Variants in SRGAP2 observed in about 807,000 individuals in gnomAD.
SRGAP2 encodes SLIT-ROBO Rho GTPase-activating protein 2.
In SRGAP2, 15 loss-of-function variants were observed where a neutral mutation model predicts 57.2. That is an observed-to-expected ratio of 0.26 (90% CI 0.18 to 0.40). SRGAP2 has a LOEUF of 0.40. Among genes scored for constraint, SRGAP2 ranks in the 10% least tolerant of loss-of-function variants. The pLI is 1.00. For missense variants in SRGAP2, 520 were observed against 669.6 expected (o/e 0.78, Z 2.47); for synonymous variants, 249 against 248.0 (o/e 1.00, Z -0.04).
intron 2 of SRGAP2, among the ~76,000 whole-genome samples, chr1:206,260,594 T>C (rs1413479603): frequency 1.3e-5 from 2 of 152,256 alleles, no homozygotes; most frequent in African/African-American, 2.4e-5. Flanking sequence ...TTATCTAACC[T>C]GTTCTGTACT....
Position 206,375,653 on chromosome 1 carries a change from C to T in SRGAP2, c.424-8361C>T, listed in dbSNP as rs560847005. On this transcript the variant is annotated intron_variant, in intron 4 of 22. Coordinates refer to ENST00000573034, the MANE Select transcript of SRGAP2 (RefSeq NM_015326.5). ...GATTATTATAGGACTGTGTTTCAGA[C>T]TGGGAGAGCAGAGGGCCGTTAGCCT... Among the ~76,000 whole-genome samples, 24 of 152,264 alleles carry T rather than the reference C, an allele frequency of 1.6e-4. 3 individuals are homozygous for T. The South Asian group carries it at 4.8e-3, about 30-fold the overall frequency.
At chr1:206,370,055 G>A (rs1161193795) in intron 4 of SRGAP2, among the ~76,000 whole-genome samples, 8 of 150,796 alleles carry the variant, frequency 5.3e-5, no homozygotes, top group African/African-American at 1.2e-4. Flanking sequence ...CACGAGGTCC[G>A]GAGATCGAGA....
At chr1:206,354,278 G>A (rs1191062408) in intron 4 of SRGAP2, among the ~76,000 whole-genome samples, 2 of 152,094 alleles carry the variant, frequency 1.3e-5, no homozygotes, top group African/African-American at 4.8e-5. Context: ...TATTCTAGGA[G>A]GCTATTAAAT....
rs71864434 is a variant in SRGAP2 at position 206,209,909 on chromosome 1, ATTATT to A, written c.67+3876_67+3880del. Among the ~76,000 whole-genome samples, 1,003 of 107,418 alleles carry A rather than the reference ATTATT, an allele frequency of 9.3e-3. 22 individuals carry two copies. Among genetic ancestry groups the A allele is most frequent in the African/African-American group, 0.049 (921 of 18,828 alleles). The allele number at this position is 107,418 out of a possible 152,430, so 70.5% of individuals were successfully genotyped here. A position where few individuals can be genotyped will look rare whatever the true frequency, so the allele number is the denominator to read the frequency against. On this transcript the variant is annotated intron_variant, in intron 2 of 22. Transcript: ENST00000573034. ...TAGTTATACTGCTTTTAAAATTTGT[ATTATT>A]TTAAATTGTTGTATTGGTATTTTTA...
chr1:206,241,250 G>A (rs1252088646), intron 2 of SRGAP2, among the ~76,000 whole-genome samples: 9 of 152,230 alleles, frequency 5.9e-5, no homozygotes, highest in African/African-American at 1.9e-4. Context: ...AGAAGAGAGA[G>A]AAACTTAACT....
At chr1:206,354,721 C>T (rs1553338993) in intron 4 of SRGAP2, among the ~76,000 whole-genome samples, 1 of 151,804 alleles carries the variant, frequency 6.6e-6, no homozygotes, top group Non-Finnish European at 1.5e-5. Flanking sequence ...ATAGTGAATT[C>T]AAAACCTTTT....
intron 11 of SRGAP2, among the ~76,000 whole-genome samples, chr1:206,417,184 A>T (rs1238179983): frequency 1.4e-5 from 2 of 142,128 alleles, no homozygotes; most frequent in Non-Finnish European, 3.0e-5. Flanking sequence ...GCTCACTGCC[A>T]ACTCCACCTC....
At chr1:206,292,170 T>C (rs1244060868) in intron 2 of SRGAP2, among the ~76,000 whole-genome samples, 1 of 152,224 alleles carries the variant, frequency 6.6e-6, no homozygotes, top group African/African-American at 2.4e-5. Context: ...GTGAAGCTAC[T>C]GCATCTCTGA....
At position 206,437,950 on chromosome 1, in the gene SRGAP2, T is replaced by C. The variant is rs1426865158; in HGVS notation, c.1634-14T>C. ...TCACTCTCTTTCCTTTTCGTGGGGGTTGCTTATCCTCAGGAGAGGACCCCC... is the reference window on the plus strand; with the variant it reads ...TCACTCTCTTTCCTTTTCGTGGGGGCTGCTTATCCTCAGGAGAGGACCCCC... On this transcript the variant is annotated splice_polypyrimidine_tract_variant and intron_variant, in intron 15 of 22. Coordinates refer to ENST00000573034, the MANE Select transcript of SRGAP2 (RefSeq NM_015326.5). The C allele has an allele frequency of 1.2e-5, 9 of 780,334 alleles. No homozygotes were observed. Among genetic ancestry groups the C allele is most frequent in the African/African-American group, 3.4e-5 (2 of 59,088 alleles). The allele number at this position is 780,334 out of a possible 1,614,324, so 48.3% of individuals were successfully genotyped here. A position where few individuals can be genotyped will look rare whatever the true frequency, so the allele number is the denominator to read the frequency against.
At chr1:206,270,246 C>G in intron 2 of SRGAP2, among the ~76,000 whole-genome samples, 1 of 85,230 alleles carries the variant, frequency 1.2e-5, no homozygotes, top group Middle Eastern at 4.9e-3. Flanking sequence ...AACTTACTAA[C>G]ACCCGCAAAG....
At chr1:206,423,481 C>T (rs781794142) in intron 13 of SRGAP2, among the ~76,000 whole-genome samples, 1 of 152,192 alleles carries the variant, frequency 6.6e-6, no homozygotes, top group African/African-American at 2.4e-5. Context: ...CCTTCAGCAT[C>T]AGTCTCACCG....
At position 206,203,736 on chromosome 1, in the gene SRGAP2, G is replaced by A. The variant is rs1481354858; in HGVS notation, c.-543+86G>A. Reference sequence around the variant, plus strand: ...AACAAACCGGGGCTGGGGCGGGAAGGAGAGGGCGCGGATGCTGCTCGCGGC... The same window carrying A: ...AACAAACCGGGGCTGGGGCGGGAAGAAGAGGGCGCGGATGCTGCTCGCGGC... On this transcript the variant is annotated intron_variant, in intron 1 of 22. Transcript: ENST00000573034. The A allele has an allele frequency of 7.1e-6, 10 of 1,415,420 alleles. No individual in the cohort carries two copies. In the South Asian group the frequency reaches 1.1e-4, roughly 16 times the overall value. 87.7% of individuals were successfully genotyped at this position (1,415,420 alleles called of 1,614,324 possible).
chr1:206,237,536 T>TG (rs1195214938), intron 2 of SRGAP2, among the ~76,000 whole-genome samples: 3 of 152,108 alleles, frequency 2.0e-5, no homozygotes, highest in African/African-American at 7.2e-5. Flanking sequence ...CTTTTACTGT[T>TG]GTCTTGCCCA....
chr1:206,229,431 C>T (rs1263913092), intron 2 of SRGAP2, among the ~76,000 whole-genome samples: 1 of 152,040 alleles, frequency 6.6e-6, no homozygotes, highest in East Asian at 1.9e-4. Flanking sequence ...TCATTTTCTA[C>T]CAAGCTGAAG....
At chr1:206,292,318 T>C (rs1671374815) in intron 2 of SRGAP2, among the ~76,000 whole-genome samples, 1 of 152,226 alleles carries the variant, frequency 6.6e-6, no homozygotes, top group East Asian at 1.9e-4. Flanking sequence ...TCACTCCAAG[T>C]CTCATGCTTC....
At chr1:206,313,306 GA>G (rs1672805951) in intron 3 of SRGAP2, among the ~76,000 whole-genome samples, 1 of 131,692 alleles carries the variant, frequency 7.6e-6, no homozygotes, top group Admixed American at 8.1e-5. Context: ...TAGTCAGGGA[GA>G]AATTAAATTC....
chr1:206,278,573 C>A (rs1272885084), intron 2 of SRGAP2, among the ~76,000 whole-genome samples: 1 of 143,740 alleles, frequency 7.0e-6, no homozygotes, highest in Non-Finnish European at 1.5e-5. Context: ...GTTGCCCAGG[C>A]TGGTCTCAAA....
intron 19 of SRGAP2, among the ~76,000 whole-genome samples, chr1:206,452,859 C>A (rs1388312085): frequency 1.5e-5 from 2 of 129,868 alleles, no homozygotes; most frequent in Non-Finnish European, 3.1e-5. Flanking sequence ...GCACTCCAGC[C>A]TGAGCGACAG....
At chr1:206,351,204 T>G (rs1391161131) in intron 4 of SRGAP2, among the ~76,000 whole-genome samples, 4 of 151,670 alleles carry the variant, frequency 2.6e-5, no homozygotes, top group African/African-American at 7.3e-5. Flanking sequence ...AGAGGAGAAG[T>G]GGTGACCCAC....
Sources: gnomAD v4.1 joint callset for allele counts (sites outside exome capture counted in the v4.1 genomes callset) on GRCh38, gnomAD v4.1.1 for gene constraint, MANE v1.5 for transcripts, NCBI Gene and HGNC (gene_info 2026-07-23, HGNC 2026-07-21) for gene names.